Variants in ACADM observed in about 807,000 individuals in gnomAD.
The protein encoded by ACADM is acyl-CoA dehydrogenase medium chain.
A neutral mutation model predicts 58.9 loss-of-function variants in ACADM; 49 were observed. That is an observed-to-expected ratio of 0.83 (90% confidence interval 0.66 to 1.06). ACADM has a LOEUF of 1.06. Ranked by LOEUF, ACADM falls within the 50% of genes least tolerant of loss-of-function variation. The probability of loss-of-function intolerance (pLI) is 0.00; values close to 1 mark genes in which losing one functional copy is unlikely to be tolerated. For synonymous variants in ACADM, 160 were observed against 157.7 expected (o/e 1.01, Z -0.11); for missense variants, 496 against 507.0 (o/e 0.98, Z 0.21).
chr1:75,760,459 CTGAGG>C (rs1234221536), intron 10 of ACADM, among the ~76,000 whole-genome samples: 1 of 133,380 alleles, frequency 7.5e-6, no homozygotes, highest in Non-Finnish European at 1.6e-5. Context: ...ACTTTGGGGG[CTGAGG>C]CGGGAGGGTC....
chr1:75,743,921 T>G (rs938398848), intron 7 of ACADM: 2 of 1,498,144 alleles, frequency 1.3e-6, no homozygotes, highest in Non-Finnish European at 1.9e-6. Context: ...GCTGAGGCCT[T>G]CACAGATGCC....
chr1:75,732,927 G>A lies in ACADM; in HGVS notation c.286+5G>A, dbSNP rs1438455336. ...CACACATTCCAGAGAACTGTGGTAA[G>A]CTTTCTTTATATTTTTAATACTGGA... On this transcript the variant is annotated splice_donor_5th_base_variant and intron_variant, in intron 4 of 11. Coordinates refer to ENST00000370841, the MANE Select transcript of ACADM (RefSeq NM_000016.6). 1.9e-6 allele frequency: 3 copies of A among 1,613,786 alleles called. No homozygotes were observed. Among genetic ancestry groups the A allele is most frequent in the Non-Finnish European group, 2.5e-6 (3 of 1,179,800 alleles).
Position 75,761,288 on chromosome 1 carries a change from A to G in ACADM, c.1112A>G (p.Asp371Gly). The change falls in exon 11 of 12, where the codon GAT (aspartate) becomes GGT (glycine). Residue 371 changes from aspartate (D) to glycine (G), a missense_variant. Physicochemically the swap from Asp to Gly is moderately conservative, Grantham distance 94. Coordinates refer to ENST00000370841, the MANE Select transcript of ACADM (RefSeq NM_000016.6). Reference protein sequence around the residue: ...AGDIANQLATDAVQILGGNGF... With the variant: ...AGDIANQLATGAVQILGGNGF... ...GATATTGCAAATCAGTTAGCTACTG[A>G]TGCTGTGCAGATACTTGGAGGCAAT... The G allele has an allele frequency of 6.2e-7, 1 of 1,614,074 alleles. No individual in the cohort carries two copies. Among genetic ancestry groups the G allele is most frequent in the Non-Finnish European group, 8.5e-7 (1 of 1,179,956 alleles).
chr1:75,746,350 T>C (rs908349135), intron 8 of ACADM, among the ~76,000 whole-genome samples: 1 of 151,992 alleles, frequency 6.6e-6, no homozygotes, highest in Non-Finnish European at 1.5e-5. Context: ...CATACAACAC[T>C]AAGAAAAAAG....
In ACADM at chr1:75,734,773, G is replaced by A; in HGVS notation, c.388-18G>A. On this transcript the variant is annotated intron_variant, in intron 5 of 11. Transcript: ENST00000370841. ...AATAAAAATGACTTGATTTTTTAAT[G>A]TCAATTTTCTTCGGTAGCAAATGCC... The A allele has an allele frequency of 6.3e-7, 1 of 1,588,926 alleles. No individual in the cohort carries two copies. The highest frequency in any genetic ancestry group is 2.2e-5 in the East Asian group (1 of 44,676).
intron 7 of ACADM, chr1:75,743,404 T>G: frequency 3.1e-6 from 5 of 1,607,700 alleles, no homozygotes; most frequent in Non-Finnish European, 4.3e-6. Flanking sequence ...ATTTGTAGGG[T>G]GTGTGGGTTC....
intron 4 of ACADM, 135 bp downstream of exon 4, chr1:75,733,057 G>C: frequency 6.2e-7 from 1 of 1,613,194 alleles, no homozygotes; most frequent in Non-Finnish European, 8.5e-7. Flanking sequence ...TCAGACTACA[G>C]TGTTTGCCCA....
chr1:75,730,072 A>G lies in ACADM; in HGVS notation c.118+1584A>G, dbSNP rs78270257. ...ACCATACCTGGCTAATTTTTATATT[A>G]TTAGTAGATATGAGGTTTCGCCATG... On this transcript the variant is annotated intron_variant, in intron 2 of 11. Coordinates refer to ENST00000370841, the MANE Select transcript of ACADM (RefSeq NM_000016.6). Among the ~76,000 whole-genome samples the G allele has an allele frequency of 4.5e-4, 68 of 151,460 alleles. No individual in the cohort carries two copies. In the East Asian group the frequency reaches 0.011, roughly 24 times the overall value.
rs998564349 is a variant in ACADM at position 75,734,955 on chromosome 1, A to T, written c.468+84A>T. ...TCTCCTTTTCAGTCTATATGTATAT[A>T]TTGGGATATTTAGCATTGAAACAAA... On this transcript the variant is annotated intron_variant, in intron 6 of 11. Coordinates refer to ENST00000370841, the MANE Select transcript of ACADM (RefSeq NM_000016.6). The T allele has an allele frequency of 3.9e-6, 4 of 1,016,156 alleles. No homozygotes were observed. In the African/African-American group the frequency reaches 4.8e-5, roughly 12 times the overall value. 62.9% of individuals were successfully genotyped at this position (1,016,156 alleles called of 1,614,324 possible).
At chr1:75,758,572 A>T (rs1333592850) in intron 10 of ACADM, among the ~76,000 whole-genome samples, 1 of 152,204 alleles carries the variant, frequency 6.6e-6, no homozygotes, top group African/African-American at 2.4e-5. Flanking sequence ...CTGTCTAGCT[A>T]GATGATTGTA....
intron 6 of ACADM, among the ~76,000 whole-genome samples, 196 bp downstream of exon 6, chr1:75,735,067 C>T (rs1380915056): frequency 6.6e-6 from 1 of 152,086 alleles, no homozygotes; most frequent in Non-Finnish European, 1.5e-5. Flanking sequence ...CACCTGTAAT[C>T]CCAGCACTTT....
At chr1:75,744,513 C>T in intron 7 of ACADM, 4 of 1,524,436 alleles carry the variant, frequency 2.6e-6, no homozygotes, top group East Asian at 2.3e-5. Flanking sequence ...CTTTCTCCCA[C>T]CTGACATCTC....
At chr1:75,734,142 C>A (rs1183787139) in intron 5 of ACADM, among the ~76,000 whole-genome samples, 1 of 150,308 alleles carries the variant, frequency 6.7e-6, no homozygotes, top group Admixed American at 6.7e-5. Flanking sequence ...CGCACCACCA[C>A]GCCCAGCTAA....
In ACADM at chr1:75,728,090, T is replaced by C. The variant is rs533768402; in HGVS notation, c.31-311T>C. On this transcript the variant is annotated intron_variant, in intron 1 of 11. Transcript: ENST00000370841. The stretch of plus-strand genomic sequence containing the variant: ...ATTAATGTCCTAGGAGCTTGTAAGA[T>C]ACCCAGAATAGTGGTCCTACATCTA... 7.9e-5 allele frequency among the ~76,000 whole-genome samples: 12 copies of C among 152,306 alleles called. No individual in the cohort carries two copies. The South Asian group carries it at 2.5e-3, about 32-fold the overall frequency.
intron 11 of ACADM, among the ~76,000 whole-genome samples, chr1:75,762,292 T>C (rs1648897000): frequency 7.8e-6 from 1 of 128,794 alleles, no homozygotes; most frequent in Admixed American, 7.6e-5. Flanking sequence ...CCACAGGCAG[T>C]GGGAGAAAAA....
Position 75,751,064 on chromosome 1 carries a change from G to A in ACADM, c.945+518G>A, listed in dbSNP as rs529570792. Reference sequence around the variant, plus strand: ...TGCATTTTAAATATATTTTCTAGCCGGGCGCGGTGGATCACGCCTGTAATC... The same window carrying A: ...TGCATTTTAAATATATTTTCTAGCCAGGCGCGGTGGATCACGCCTGTAATC... On this transcript the variant is annotated intron_variant, in intron 10 of 11. Transcript: ENST00000370841. Among the ~76,000 whole-genome samples the A allele has an allele frequency of 2.1e-3, 314 of 150,758 alleles. 2 individuals carry two copies. The highest frequency in any genetic ancestry group is 7.0e-3 in the African/African-American group (288 of 41,342).
chr1:75,732,232 G>A (rs1033357919), intron 2 of ACADM, among the ~76,000 whole-genome samples: 7 of 152,136 alleles, frequency 4.6e-5, no homozygotes, highest in Admixed American at 1.3e-4. Context: ...CACTGAGTGT[G>A]TTTCATCTAT....
At chr1:75,728,346 T>TA (rs774793905) in intron 1 of ACADM, 55 bp from the exon 2 acceptor site, 1 of 1,435,140 alleles carries the variant, frequency 7.0e-7, no homozygotes, top group East Asian at 2.3e-5. Context: ...AGTAGTCTCT[T>TA]ATCTGATTAA....
intron 2 of ACADM, among the ~76,000 whole-genome samples, chr1:75,730,557 T>A (rs1287857941): frequency 6.6e-6 from 1 of 151,248 alleles, no homozygotes; most frequent in Non-Finnish European, 1.5e-5. Flanking sequence ...TTTTTTTTTT[T>A]AAGAGACAGG....
Sources: allele counts gnomAD v4.1 joint callset (sites outside exome capture counted in the v4.1 genomes callset), GRCh38; gene constraint gnomAD v4.1.1; transcripts MANE v1.5; gene names NCBI Gene and HGNC (gene_info 2026-07-23, HGNC 2026-07-21).